The following AFG1L variants were observed in gnomAD, a reference collection of about 807,000 sequenced individuals.
AFG1L encodes AFG1-like ATPase.
Under a neutral mutation model 62.2 loss-of-function variants are expected in AFG1L, and 53 were observed. The observed-to-expected ratio is 0.85, with a 90% CI of 0.68 to 1.07. The LOEUF (loss-of-function observed/expected upper bound fraction) is 1.07. Among genes scored for constraint, AFG1L ranks in the 50% least tolerant of loss-of-function variants. AFG1L has a pLI of 0.00. For synonymous variants in AFG1L, 228 were observed against 210.3 expected (o/e 1.08, Z -0.73); for missense variants, 555 against 590.5 (o/e 0.94, Z 0.62).
At position 108,524,215 on chromosome 6, in the gene AFG1L, G is replaced by T. The variant is rs1348722334; in HGVS notation, c.*1790G>T. 10 of 152,206 alleles carry T rather than the reference G, an allele frequency of 6.6e-5. No homozygotes were observed. Among genetic ancestry groups the T allele is most frequent in the Admixed American group, 5.2e-4 (8 of 15,290 alleles). 9.4% of individuals were successfully genotyped at this position (152,206 alleles called of 1,614,324 possible). Reference sequence around the variant, plus strand: ...CAACAGAACCATTGATTTGAACTCAGTGAATATAAAATGTTTAACTTTATT... The same window carrying T: ...CAACAGAACCATTGATTTGAACTCATTGAATATAAAATGTTTAACTTTATT... On this transcript the variant is annotated 3_prime_UTR_variant, in exon 13 of 13. Coordinates refer to ENST00000368977, the MANE Select transcript of AFG1L (RefSeq NM_145315.5).
intron 5 of AFG1L, among the ~76,000 whole-genome samples, chr6:108,364,934 T>C (rs1779694897): frequency 6.7e-6 from 1 of 150,232 alleles, no homozygotes; most frequent in African/African-American, 2.5e-5. Context: ...GGAAAGAAGA[T>C]ATTAGCTGTA....
intron 7 of AFG1L, among the ~76,000 whole-genome samples, chr6:108,436,947 T>C (rs540332141): frequency 7.9e-5 from 12 of 152,310 alleles, no homozygotes; most frequent in African/African-American, 2.9e-4. Context: ...CTGAGAAATC[T>C]AAGATGAGGG....
chr6:108,455,732 C>T (rs1289349727), intron 8 of AFG1L, among the ~76,000 whole-genome samples: 1 of 151,980 alleles, frequency 6.6e-6, no homozygotes, highest in African/African-American at 2.4e-5. Context: ...ACTTTCTGAA[C>T]GTTTGGTGAT....
intron 6 of AFG1L, among the ~76,000 whole-genome samples, chr6:108,397,518 A>G (rs943011020): frequency 1.3e-5 from 2 of 152,132 alleles, no homozygotes; most frequent in Non-Finnish European, 2.9e-5. Context: ...CGGCCTCCCA[A>G]AGTGCTGGGA....
At chr6:108,400,703 T>A (rs1366991406) in intron 6 of AFG1L, among the ~76,000 whole-genome samples, 1 of 123,960 alleles carries the variant, frequency 8.1e-6, no homozygotes, top group Non-Finnish European at 1.6e-5. Flanking sequence ...ATATATATTA[T>A]TATATATATT....
At chr6:108,410,896 A>G (rs1782069144) in intron 7 of AFG1L, among the ~76,000 whole-genome samples, 1 of 152,092 alleles carries the variant, frequency 6.6e-6, no homozygotes, top group Non-Finnish European at 1.5e-5. Flanking sequence ...TGCCTTTCCA[A>G]CTGAGGTATC....
intron 11 of AFG1L, among the ~76,000 whole-genome samples, chr6:108,516,273 T>C (rs1265150215): frequency 6.6e-6 from 1 of 152,114 alleles, no homozygotes; most frequent in Non-Finnish European, 1.5e-5. Flanking sequence ...GCAAACCGAA[T>C]CCAGCAGCAC....
Position 108,378,400 on chromosome 6 carries a change from A to G in AFG1L, c.748+12068A>G, listed in dbSNP as rs899509641. ...AGTCATGTAATCTGAGCTTACTGCA[A>G]CCTCCACCTCCCAGGTTCAAGTGAT... On this transcript the variant is annotated intron_variant, in intron 6 of 12. Coordinates refer to ENST00000368977, the MANE Select transcript of AFG1L (RefSeq NM_145315.5). Among the ~76,000 whole-genome samples, 4 of 151,638 alleles carry G rather than the reference A, an allele frequency of 2.6e-5. No individual in the cohort carries two copies. In the South Asian group the frequency reaches 8.3e-4, roughly 32 times the overall value.
chr6:108,390,266 C>T (rs753144791), intron 6 of AFG1L, among the ~76,000 whole-genome samples: 19 of 152,092 alleles, frequency 1.2e-4, no homozygotes, highest in African/African-American at 3.1e-4. Flanking sequence ...GTTAGCCATT[C>T]GTCTAATCTT....
chr6:108,392,508 T>C (rs548090957), intron 6 of AFG1L, among the ~76,000 whole-genome samples: 1 of 152,178 alleles, frequency 6.6e-6, no homozygotes, highest in Non-Finnish European at 1.5e-5. Flanking sequence ...TATTTATCTG[T>C]TGTCTTCAGC....
At chr6:108,508,317 C>T (rs933005581) in intron 10 of AFG1L, among the ~76,000 whole-genome samples, 1 of 152,180 alleles carries the variant, frequency 6.6e-6, no homozygotes, top group African/African-American at 2.4e-5. Flanking sequence ...CCAACCCCAC[C>T]CCACTCCCAG....
chr6:108,362,753 A>G (rs1175034346), intron 5 of AFG1L, among the ~76,000 whole-genome samples: 2 of 152,202 alleles, frequency 1.3e-5, no homozygotes, highest in Non-Finnish European at 1.5e-5. Context: ...AGTAACAGCT[A>G]TGCTATACAT....
chr6:108,396,505 T>G (rs1177068436), intron 6 of AFG1L, among the ~76,000 whole-genome samples: 5 of 152,290 alleles, frequency 3.3e-5, no homozygotes, highest in African/African-American at 1.2e-4. Flanking sequence ...GTTTTGTTTT[T>G]TTTGAGGCAG....
At chr6:108,358,946 A>T (rs1182137532) in intron 5 of AFG1L, 3 of 152,258 alleles carry the variant, frequency 2.0e-5, no homozygotes, top group Non-Finnish European at 4.4e-5. Flanking sequence ...ATACAGAGCA[A>T]GCAGGGCAAC....
In AFG1L at chr6:108,300,411, CA is replaced by C. The variant is rs550826242; in HGVS notation, c.139+5196del. Among the ~76,000 whole-genome samples the C allele has an allele frequency of 1.2e-3, 190 of 152,308 alleles. 1 individual carries two copies. Among genetic ancestry groups the C allele is most frequent in the African/African-American group, 4.3e-3 (179 of 41,566 alleles). ...AGGTGATCTGCCCAACTTGGACCCC[CA>C]AAGTGCAGGGATTACAGGTGTGAGC... On this transcript the variant is annotated intron_variant, in intron 1 of 12. Transcript: ENST00000368977.
rs144823887 is a variant in AFG1L, at chr6:108,514,797, A to T, written c.1203+4445A>T. 6.3e-3 allele frequency among the ~76,000 whole-genome samples: 963 copies of T among 152,356 alleles called. 19 individuals carry two copies. Among genetic ancestry groups the T allele is most frequent in the African/African-American group, 0.022 (904 of 41,574 alleles). On this transcript the variant is annotated intron_variant, in intron 11 of 12. Coordinates refer to ENST00000368977, the MANE Select transcript of AFG1L (RefSeq NM_145315.5). The stretch of plus-strand genomic sequence containing the variant: ...ACATGGACTCAAAATAAAAGGATGG[A>T]GGAAGATCTACCAAGCAAATGGAAA...
Position 108,477,172 on chromosome 6 carries a change from CT to C in AFG1L, c.962-17del. 6.7e-7 allele frequency: 1 copy of C among 1,485,728 alleles called. No individual in the cohort carries two copies. Among genetic ancestry groups the C allele is most frequent in the Non-Finnish European group, 9.3e-7 (1 of 1,079,982 alleles). The allele number at this position is 1,485,728 out of a possible 1,614,324, so 92.0% of individuals were successfully genotyped here. On this transcript the variant is annotated intron_variant, in intron 9 of 12. Transcript: ENST00000368977. ...AGTAATTATCCAGACAAGATTGAGT[CT>C]TTGTTCATGTTCCCATAGTAACTAG...
intron 10 of AFG1L, among the ~76,000 whole-genome samples, chr6:108,497,737 A>G (rs72940605): frequency 0.078 from 11,874 of 152,222 alleles, 614 homozygotes; most frequent in South Asian, 0.24. Context: ...ATACTTATCA[A>G]TTATGCAAAA....
chr6:108,522,680 G>A lies in AFG1L; in HGVS notation c.*255G>A, dbSNP rs56267696. ...AATCATCTCATTCCTGAAGATGAATGTAGGACCAGACATTTTAGCTTCACA... is the reference window on the plus strand; with the variant it reads ...AATCATCTCATTCCTGAAGATGAATATAGGACCAGACATTTTAGCTTCACA... On this transcript the variant is annotated 3_prime_UTR_variant, in exon 13 of 13. Coordinates refer to ENST00000368977, the MANE Select transcript of AFG1L (RefSeq NM_145315.5). 0.091 allele frequency: 23,589 copies of A among 258,620 alleles called. 1,426 individuals are homozygous for A. The highest frequency in any genetic ancestry group is 0.26 in the South Asian group (3,621 of 13,964). The allele number at this position is 258,620 out of a possible 1,614,324, so 16.0% of individuals were successfully genotyped here.
Sources: allele counts gnomAD v4.1 joint callset (sites outside exome capture counted in the v4.1 genomes callset), GRCh38; gene constraint gnomAD v4.1.1; transcripts MANE v1.5; gene names NCBI Gene and HGNC (gene_info 2026-07-23, HGNC 2026-07-21).